Variants in ASB7 observed in about 807,000 individuals in gnomAD.
The protein encoded by ASB7 is ankyrin repeat and SOCS box protein 7.
Under a neutral mutation model 32.5 loss-of-function variants are expected in ASB7, and 4 were observed. The observed-to-expected ratio is 0.12, with a 90% CI of 0.06 to 0.28. The LOEUF (loss-of-function observed/expected upper bound fraction) is 0.28, where lower values mean the gene tolerates loss of function less well. Among genes scored for constraint, ASB7 ranks in the 10% least tolerant of loss-of-function variants. ASB7 has a pLI of 1.00. For missense variants in ASB7, 181 were observed against 407.1 expected, an observed-to-expected ratio of 0.44 and a Z score of 4.78; for synonymous variants, 172 against 155.6, an observed-to-expected ratio of 1.11 and a Z score of -0.78.
Position 100,630,021 on chromosome 15 carries a change from G to A in ASB7, c.796G>A (p.Asp266Asn), listed in dbSNP as rs2039872013. Residue 266 changes from aspartate (D) to asparagine (N), a missense_variant, in exon 5 of 6, where the codon GAT (aspartate) becomes AAT (asparagine). Coordinates refer to ENST00000332783, the MANE Select transcript of ASB7 (RefSeq NM_198243.3). ...TTCTGGAAGTAGTCGACCATGTTTGGATTTCTTACAAGAAGTCACAAGTAT... is the reference window on the plus strand; with the variant it reads ...TTCTGGAAGTAGTCGACCATGTTTGAATTTCTTACAAGAAGTCACAAGTAT... ...SISGSSRPCL[D>N]FLQEVTRQPR... 6.2e-7 allele frequency: 1 copy of A among 1,600,384 alleles called. No individual in the cohort carries two copies. The highest frequency in any genetic ancestry group is 8.5e-7 in the Non-Finnish European group (1 of 1,171,592).
chr15:100,628,992 T>C (rs1290474833), intron 4 of ASB7, among the ~76,000 whole-genome samples: 3 of 152,140 alleles, frequency 2.0e-5, no homozygotes, highest in Admixed American at 1.3e-4. Flanking sequence ...GCATAGTGTA[T>C]CTGTAATTTA....
rs529029534 is a variant in ASB7 at position 100,645,913 on chromosome 15, C to A, written c.818-2410C>A. ...CACTGAGGAGATTGCTTCCTTGTGG[C>A]CAGAGAAGGTCACTATGGGAGTCCT... On this transcript the variant is annotated intron_variant, in intron 5 of 5. Transcript: ENST00000332783. 46 of 662,948 alleles carry A rather than the reference C, an allele frequency of 6.9e-5. No individual in the cohort carries two copies. In the African/African-American group the frequency reaches 7.3e-4, roughly 11 times the overall value. 41.1% of individuals were successfully genotyped at this position (662,948 alleles called of 1,614,324 possible).
intron 5 of ASB7, among the ~76,000 whole-genome samples, chr15:100,647,025 G>C (rs200088385): frequency 8.7e-6 from 1 of 115,316 alleles, no homozygotes; most frequent in Non-Finnish European, 1.9e-5. Context: ...TGACGTTCTT[G>C]TTAAATTTTT....
At chr15:100,637,256 C>T (rs908883017) in intron 5 of ASB7, among the ~76,000 whole-genome samples, 6 of 152,124 alleles carry the variant, frequency 3.9e-5, no homozygotes, top group East Asian at 1.9e-4. Flanking sequence ...AAACTCTAGC[C>T]GTTTAGTCCT....
At chr15:100,605,649 A>T (rs11856651) in intron 2 of ASB7, among the ~76,000 whole-genome samples, 99,909 of 152,160 alleles carry the variant, frequency 0.66, 33,315 homozygotes, top group South Asian at 0.75. Context: ...AGCCTTCCAC[A>T]TCATAATCCC....
At chr15:100,617,975 C>G (rs553064023) in intron 4 of ASB7, among the ~76,000 whole-genome samples, 6 of 152,198 alleles carry the variant, frequency 3.9e-5, no homozygotes, top group Non-Finnish European at 5.9e-5. Context: ...CCCCACCCCC[C>G]ACGGGGTCTC....
chr15:100,624,175 G>A (rs2039817646), intron 4 of ASB7, among the ~76,000 whole-genome samples: 1 of 152,186 alleles, frequency 6.6e-6, no homozygotes, highest in South Asian at 2.1e-4. Flanking sequence ...GGTAGGAGGA[G>A]ATAAAGAGAG....
intron 5 of ASB7, among the ~76,000 whole-genome samples, chr15:100,645,200 TA>T (rs2141408615): frequency 6.6e-6 from 1 of 152,270 alleles, no homozygotes; most frequent in South Asian, 2.1e-4. Flanking sequence ...TTTTCTTTTT[TA>T]AATAGAGAAT....
intron 4 of ASB7, among the ~76,000 whole-genome samples, chr15:100,624,871 C>T (rs374278248): frequency 2.8e-4 from 42 of 150,678 alleles, no homozygotes; most frequent in African/African-American, 5.1e-4. Flanking sequence ...AAATTCCTAA[C>T]GAAATATTGG....
At chr15:100,628,045 T>G (rs1269595662) in intron 4 of ASB7, among the ~76,000 whole-genome samples, 1 of 152,206 alleles carries the variant, frequency 6.6e-6, no homozygotes, top group Non-Finnish European at 1.5e-5. Flanking sequence ...TTAAGTCCTG[T>G]GGTAAACAGA....
intron 4 of ASB7, among the ~76,000 whole-genome samples, chr15:100,620,705 G>A (rs990070080): frequency 2.0e-5 from 3 of 152,190 alleles, no homozygotes; most frequent in Non-Finnish European, 4.4e-5. Context: ...TATTATAAGG[G>A]TGGAAATTGT....
In ASB7 at chr15:100,629,729, C is replaced by T; in HGVS notation, c.504C>T (p.Ile168=). ...IIRERSSCVK[I]LLDHNANIDI... ...GAGAGAGGTCAAGCTGTGTGAAAAT[C>T]CTCCTGGACCACAATGCCAACATCG... The change falls in exon 5 of 6, where the codon ATC becomes ATT. Residue 168 remains isoleucine, a synonymous_variant. Transcript: ENST00000332783. The surrounding 1 kb of genome is among the most constrained non-coding windows in gnomAD (Gnocchi z 6.8). 1 of 1,614,204 alleles carries T rather than the reference C, an allele frequency of 6.2e-7. No individual in the cohort carries two copies. The highest frequency in any genetic ancestry group is 8.5e-7 in the Non-Finnish European group (1 of 1,180,036).
At chr15:100,646,793 C>T (rs748443171) in intron 5 of ASB7, 3 of 153,084 alleles carry the variant, frequency 2.0e-5, no homozygotes, top group Non-Finnish European at 4.4e-5. Flanking sequence ...TAATCCCGGA[C>T]TCTGTTTTCT....
intron 3 of ASB7, among the ~76,000 whole-genome samples, chr15:100,610,494 CAA>C (rs5814978): frequency 2.2e-5 from 3 of 136,908 alleles, no homozygotes; most frequent in Admixed American, 7.1e-5. Context: ...GACTCCGTCT[CAA>C]AAAAAAAAAA....
At chr15:100,622,310 A>G (rs1381082682) in intron 4 of ASB7, among the ~76,000 whole-genome samples, 2 of 152,206 alleles carry the variant, frequency 1.3e-5, no homozygotes, top group African/African-American at 2.4e-5. Context: ...ATCGAAGAGG[A>G]CACAAACAAA....
chr15:100,612,278 C>T lies in ASB7; in HGVS notation c.62C>T (p.Ala21Val). 6.2e-7 allele frequency: 1 copy of T among 1,614,152 alleles called. No individual in the cohort carries two copies. The highest frequency in any genetic ancestry group is 8.5e-7 in the Non-Finnish European group (1 of 1,180,008). Residue 21 changes from alanine (A) to valine (V), a missense_variant, in exon 4 of 6, where the codon GCG becomes GTG. Physicochemically the swap from Ala to Val is moderately conservative, Grantham distance 64. Coordinates refer to ENST00000332783, the MANE Select transcript of ASB7 (RefSeq NM_198243.3). ...ELQEELQIQA[A>V]VAAGDVHTVR... ...CAGGAAGAGTTGCAGATTCAGGCCG[C>T]GGTGGCTGCTGGGGATGTCCACACA...
intron 4 of ASB7, among the ~76,000 whole-genome samples, chr15:100,618,967 A>C (rs1388774282): frequency 3.9e-5 from 6 of 152,210 alleles, no homozygotes; most frequent in African/African-American, 1.4e-4. Context: ...AATTCACCCA[A>C]GGTCATTACT....
intron 3 of ASB7, among the ~76,000 whole-genome samples, chr15:100,611,018 G>C (rs1377786066): frequency 6.6e-6 from 1 of 152,116 alleles, no homozygotes; most frequent in Non-Finnish European, 1.5e-5. Flanking sequence ...GACTGTTACT[G>C]TTTCCATGAA....
intron 5 of ASB7, among the ~76,000 whole-genome samples, chr15:100,639,512 G>C (rs150596901): frequency 0.011 from 1,736 of 152,252 alleles, 11 homozygotes; most frequent in Non-Finnish European, 0.018. Flanking sequence ...TATATGAGCA[G>C]CTGTTCGCAC....
Sources: allele counts gnomAD v4.1 joint callset (sites outside exome capture counted in the v4.1 genomes callset), GRCh38; gene constraint gnomAD v4.1.1; non-coding constraint Gnocchi (gnomAD v3.1); transcripts MANE v1.5; gene names NCBI Gene and HGNC (gene_info 2026-07-23, HGNC 2026-07-21).